The following CNRIP1 variants were observed in gnomAD, a reference collection of about 807,000 sequenced individuals.
CNRIP1 encodes the protein cannabinoid receptor interacting protein 1.
Under a neutral mutation model 15.2 loss-of-function variants are expected in CNRIP1, and 10 were observed. The observed-to-expected ratio is 0.66, with a 90% CI of 0.41 to 1.12. The LOEUF (loss-of-function observed/expected upper bound fraction) is 1.12. Ranked by LOEUF, CNRIP1 falls within the 50% of genes most tolerant of loss-of-function variation. The pLI is 0.00. For synonymous variants in CNRIP1, 91 were observed against 83.2 expected (o/e 1.09, Z -0.51); for missense variants, 211 against 214.7 (o/e 0.98, Z 0.11).
chr2:68,303,864 G>A (rs1671707839), intron 2 of CNRIP1, among the ~76,000 whole-genome samples: 1 of 152,178 alleles, frequency 6.6e-6, no homozygotes, highest in African/African-American at 2.4e-5. Context: ...ACCACCTGAG[G>A]TCAGGAGTTT....
intron 2 of CNRIP1, chr2:68,315,845 TAAAA>T (rs1202370963): frequency 6.6e-6 from 1 of 151,904 alleles, no homozygotes; most frequent in South Asian, 2.1e-4. Flanking sequence ...CCCGGTTAAC[TAAAA>T]AAAATTTTTT....
chr2:68,284,844 G>A (rs927770462), intron 2 of CNRIP1, among the ~76,000 whole-genome samples: 3 of 150,942 alleles, frequency 2.0e-5, no homozygotes, highest in Non-Finnish European at 3.0e-5. Flanking sequence ...GAAAACCACA[G>A]CGAAGCGAAT....
At position 68,317,219 on chromosome 2, in the gene CNRIP1, C is replaced by T; in HGVS notation, c.268G>A (p.Asp90Asn). 1 of 1,614,230 alleles carries T rather than the reference C, an allele frequency of 6.2e-7. No individual in the cohort carries two copies. Among genetic ancestry groups the T allele is most frequent in the Non-Finnish European group, 8.5e-7 (1 of 1,180,042 alleles). The stretch of plus-strand genomic sequence containing the variant: ...TTCGTTGGGGTCACACCTTCTGTGT[C>T]ATATGTACCCGTATAAACAACTCTG... ...GDRVVYTGTYDTEGVTPTKSG... is the reference protein window; with the variant it reads ...GDRVVYTGTYNTEGVTPTKSG... The change falls in exon 2 of 3, where the codon GAC (aspartate) becomes AAC (asparagine). Residue 90 changes from aspartate (D) to asparagine (N), a missense_variant. By Grantham distance (23) the Asp-to-Asn change is conservative. Transcript: ENST00000263655.
At chr2:68,305,757 C>G (rs1671816417) in intron 2 of CNRIP1, among the ~76,000 whole-genome samples, 1 of 147,284 alleles carries the variant, frequency 6.8e-6, no homozygotes, top group African/African-American at 2.5e-5. Context: ...GATGGCACCA[C>G]TGCACTGCAG....
rs527692662 is a variant in CNRIP1, at chr2:68,309,421, T to C, written c.330+7736A>G. On this transcript the variant is annotated intron_variant, in intron 2 of 2. Coordinates refer to ENST00000263655, the MANE Select transcript of CNRIP1 (RefSeq NM_015463.3). The stretch of plus-strand genomic sequence containing the variant: ...TTTTATGGGAAATTTCTGTCAGACT[T>C]TCAAGTAACAGTTAAGTTCTATGGT... Among the ~76,000 whole-genome samples, 14 of 152,318 alleles carry C rather than the reference T, an allele frequency of 9.2e-5. No individual in the cohort carries two copies. In the South Asian group the frequency reaches 2.9e-3, roughly 32 times the overall value.
downstream of CNRIP1, among the ~76,000 whole-genome samples, chr2:68,289,035 T>C (rs1671098333): frequency 6.6e-6 from 1 of 152,224 alleles, no homozygotes; most frequent in Admixed American, 6.5e-5. Flanking sequence ...TGAGCCTTAT[T>C]TTTGAATCTC....
chr2:68,309,078 T>C (rs1257538771), intron 2 of CNRIP1, among the ~76,000 whole-genome samples: 1 of 152,228 alleles, frequency 6.6e-6, no homozygotes, highest in African/African-American at 2.4e-5. Flanking sequence ...TTAGGGCATT[T>C]AGCTGTGAGC....
At chr2:68,311,831 C>T (rs58493177) in intron 2 of CNRIP1, among the ~76,000 whole-genome samples, 8,436 of 138,880 alleles carry the variant, frequency 0.061, 806 homozygotes, top group African/African-American at 0.2. Flanking sequence ...AAAGAGTAGA[C>T]ATTATTAGAG....
downstream of CNRIP1, among the ~76,000 whole-genome samples, chr2:68,290,208 AG>A (rs893710342): frequency 6.6e-6 from 1 of 151,606 alleles, no homozygotes; most frequent in Non-Finnish European, 1.5e-5. Context: ...TTACATTTTT[AG>A]TAGAGACGGG....
At chr2:68,289,489 C>CT (rs1030941006), downstream of CNRIP1, among the ~76,000 whole-genome samples, 54 of 150,194 alleles carry the variant, frequency 3.6e-4, no homozygotes, top group Middle Eastern at 3.4e-3. Flanking sequence ...TTCTTTTTTT[C>CT]TTTTTTTTTG....
chr2:68,290,760 T>A (rs1433802725), downstream of CNRIP1, among the ~76,000 whole-genome samples: 1 of 152,220 alleles, frequency 6.6e-6, no homozygotes, highest in Non-Finnish European at 1.5e-5. Flanking sequence ...GGATCTTTAT[T>A]TTTTGGCATG....
intron 2 of CNRIP1, chr2:68,315,985 C>T (rs1672253306): frequency 6.6e-6 from 1 of 152,120 alleles, no homozygotes; most frequent in Admixed American, 6.5e-5. Flanking sequence ...TATACATTTC[C>T]CTCATTTTTG....
At chr2:68,304,648 A>T (rs1446856016) in intron 2 of CNRIP1, among the ~76,000 whole-genome samples, 8 of 145,546 alleles carry the variant, frequency 5.5e-5, no homozygotes, top group African/African-American at 2.1e-4. Context: ...TTTGAGACAG[A>T]GTCTCGCTCT....
chr2:68,296,861 G>C (rs1671382606), intron 2 of CNRIP1, among the ~76,000 whole-genome samples: 1 of 152,032 alleles, frequency 6.6e-6, no homozygotes, highest in Non-Finnish European at 1.5e-5. Flanking sequence ...GTCTGGTCTT[G>C]AACTCCTGAC....
Position 68,293,242 on chromosome 2 carries a change from C to T in CNRIP1, c.*620G>A, listed in dbSNP as rs1203057065. 1 of 985,480 alleles carries T rather than the reference C, an allele frequency of 1.0e-6. No homozygotes were observed. The highest frequency in any genetic ancestry group is 1.2e-6 in the Non-Finnish European group (1 of 830,032). The allele number at this position is 985,480 out of a possible 1,614,324, so 61.0% of individuals were successfully genotyped here. A position where few individuals can be genotyped will look rare whatever the true frequency, so the allele number is the denominator to read the frequency against. On this transcript the variant is annotated 3_prime_UTR_variant, in exon 3 of 3. Transcript: ENST00000263655. The stretch of plus-strand genomic sequence containing the variant: ...GGCCATTGCACAATACCTTAAGCTA[C>T]TTAAAAGAGTTTTAATACGTTATAA...
chr2:68,309,863 G>T (rs1672008960), intron 2 of CNRIP1, among the ~76,000 whole-genome samples: 2 of 152,204 alleles, frequency 1.3e-5, no homozygotes, highest in African/African-American at 4.8e-5. Flanking sequence ...ACACCCTACA[G>T]GGGCCATTGA....
intron 2 of CNRIP1, among the ~76,000 whole-genome samples, chr2:68,300,018 G>A (rs1671545236): frequency 6.6e-6 from 1 of 152,182 alleles, no homozygotes; most frequent in African/African-American, 2.4e-5. Flanking sequence ...ATGCATCTGT[G>A]ACTTTTAGTG....
intron 2 of CNRIP1, chr2:68,284,591 C>A: frequency 1.6e-6 from 1 of 610,638 alleles, no homozygotes; most frequent in Non-Finnish European, 2.7e-6. Flanking sequence ...GCAGGCAGAT[C>A]TCTTGAGGTC....
chr2:68,308,018 C>T (rs1467541751), intron 2 of CNRIP1, among the ~76,000 whole-genome samples: 1 of 152,006 alleles, frequency 6.6e-6, no homozygotes, highest in East Asian at 1.9e-4. Flanking sequence ...CATAGTGAGA[C>T]TCCATCTCCA....
Sources: gnomAD v4.1 joint callset for allele counts (sites outside exome capture counted in the v4.1 genomes callset) on GRCh38, gnomAD v4.1.1 for gene constraint, MANE v1.5 for transcripts, NCBI Gene and HGNC (gene_info 2026-07-23, HGNC 2026-07-21) for gene names.